KLHL20: variants seen among roughly 807,000 people sequenced by gnomAD.
KLHL20 encodes the protein kelch like family member 20.
Under a neutral mutation model 69.5 loss-of-function variants are expected in KLHL20, and 29 were observed. That is an observed-to-expected ratio of 0.42 (90% CI 0.31 to 0.57). KLHL20 has a LOEUF of 0.57. KLHL20 is among the 20% of genes least tolerant of loss of function. The pLI is 0.18. For missense variants in KLHL20, 419 were observed against 776.0 expected (o/e 0.54, Z 5.47); for synonymous variants, 253 against 265.2 (o/e 0.95, Z 0.45).
chr1:173,730,947 G>A (rs1211618256), intron 2 of KLHL20, among the ~76,000 whole-genome samples: 2 of 152,034 alleles, frequency 1.3e-5, no homozygotes, highest in Non-Finnish European at 2.9e-5. Context: ...TACAGAATGG[G>A]AGAAAATTTT....
intron 11 of KLHL20, among the ~76,000 whole-genome samples, chr1:173,784,660 A>G (rs1332689005): frequency 1.3e-5 from 2 of 152,186 alleles, no homozygotes; most frequent in Non-Finnish European, 2.9e-5. Context: ...TCTTGTCACA[A>G]ACTAGATGCT....
At chr1:173,737,021 T>C (rs1420336597) in intron 3 of KLHL20, among the ~76,000 whole-genome samples, 4 of 152,264 alleles carry the variant, frequency 2.6e-5, no homozygotes, top group Non-Finnish European at 4.4e-5. Flanking sequence ...CATTTGTATA[T>C]CTTCTTTTGA....
At chr1:173,755,059 CTTTT>C (rs372616022) in intron 5 of KLHL20, among the ~76,000 whole-genome samples, 3 of 133,520 alleles carry the variant, frequency 2.2e-5, no homozygotes, top group Non-Finnish European at 3.2e-5. Flanking sequence ...AAGTCTTTGT[CTTTT>C]TTTTTTTTTT....
rs541492809 is a variant in KLHL20 at position 173,716,928 on chromosome 1, C to G, written c.23+862C>G. Among the ~76,000 whole-genome samples, 4 of 152,264 alleles carry G rather than the reference C, an allele frequency of 2.6e-5. 1 individual carries two copies. The highest frequency in any genetic ancestry group is 9.6e-5 in the African/African-American group (4 of 41,556). The stretch of plus-strand genomic sequence containing the variant: ...TATCAATTGACCTTGAGCTGTTCAC[C>G]TTCTCTGTACCCCAGTTTACTTCTT... On this transcript the variant is annotated intron_variant, in intron 2 of 11. Coordinates refer to ENST00000209884, the MANE Select transcript of KLHL20 (RefSeq NM_014458.4).
rs553962694 is a variant in KLHL20 at position 173,717,921 on chromosome 1, A to G, written c.23+1855A>G. Reference sequence around the variant, plus strand: ...CATTTATTTATGTACTATCATTTGCATAGCACAATGCAAAATTTAAAAGAT... The same window carrying G: ...CATTTATTTATGTACTATCATTTGCGTAGCACAATGCAAAATTTAAAAGAT... On this transcript the variant is annotated intron_variant, in intron 2 of 11. Transcript: ENST00000209884. 1.2e-3 allele frequency among the ~76,000 whole-genome samples: 177 copies of G among 152,316 alleles called. 1 individual carries two copies. Among genetic ancestry groups the G allele is most frequent in the Non-Finnish European group, 2.1e-3 (143 of 68,036 alleles).
At chr1:173,753,173 AAATT>A (rs1166974115) in intron 4 of KLHL20, 36 bp from the exon 5 acceptor site, 2 of 1,526,808 alleles carry the variant, frequency 1.3e-6, no homozygotes, top group Non-Finnish European at 1.8e-6. Flanking sequence ...ACCTATCTCA[AAATT>A]AATTAATTAA....
rs1436906799 is a variant in KLHL20 at position 173,755,920 on chromosome 1, C to T, written c.852-3C>T. 1.2e-6 allele frequency: 2 copies of T among 1,602,712 alleles called. No homozygotes were observed. Among genetic ancestry groups the T allele is most frequent in the East Asian group, 2.2e-5 (1 of 44,802 alleles). The stretch of plus-strand genomic sequence containing the variant: ...TGGAATAAAGGCAGAATTTTTTCTA[C>T]AGAGACTTGGTAGATGAGGCTAAAA... On this transcript the variant is annotated splice_region_variant and splice_polypyrimidine_tract_variant and intron_variant, in intron 5 of 11. Coordinates refer to ENST00000209884, the MANE Select transcript of KLHL20 (RefSeq NM_014458.4).
intron 7 of KLHL20, among the ~76,000 whole-genome samples, chr1:173,759,668 A>G (rs755960641): frequency 3.9e-5 from 6 of 152,196 alleles, no homozygotes; most frequent in Non-Finnish European, 8.8e-5. Flanking sequence ...TCCATAGGAA[A>G]AGAGAGAGAA....
At chr1:173,784,137 G>A (rs1031213768) in intron 11 of KLHL20, among the ~76,000 whole-genome samples, 3 of 152,104 alleles carry the variant, frequency 2.0e-5, no homozygotes, top group African/African-American at 7.2e-5. Flanking sequence ...CAATTGTATT[G>A]AGGGAGACAA....
In KLHL20 at chr1:173,785,250, A is replaced by G; in HGVS notation, c.*3A>G. Reference sequence around the variant, plus strand: ...ATTGTGAATCCCATATTTGGTGAACACAGAGAAGACAGTCTTGTATATATT... The same window carrying G: ...ATTGTGAATCCCATATTTGGTGAACGCAGAGAAGACAGTCTTGTATATATT... On this transcript the variant is annotated 3_prime_UTR_variant, in exon 12 of 12. Coordinates refer to ENST00000209884, the MANE Select transcript of KLHL20 (RefSeq NM_014458.4). 1 of 1,603,268 alleles carries G rather than the reference A, an allele frequency of 6.2e-7. No homozygotes were observed. The highest frequency in any genetic ancestry group is 1.7e-4 in the Middle Eastern group (1 of 6,028).
At chr1:173,719,999 A>G (rs528710608) in intron 2 of KLHL20, among the ~76,000 whole-genome samples, 4 of 152,270 alleles carry the variant, frequency 2.6e-5, no homozygotes, top group African/African-American at 9.6e-5. Context: ...CATACCTGTA[A>G]TCCCAGCACT....
intron 3 of KLHL20, among the ~76,000 whole-genome samples, chr1:173,750,014 A>G (rs1389205012): frequency 6.6e-6 from 1 of 152,236 alleles, no homozygotes; most frequent in African/African-American, 2.4e-5. Context: ...CAAGTAATTT[A>G]TAGTATAAGT....
intron 3 of KLHL20, among the ~76,000 whole-genome samples, chr1:173,739,283 G>C (rs997855778): frequency 6.6e-6 from 1 of 152,008 alleles, no homozygotes; most frequent in Non-Finnish European, 1.5e-5. Context: ...GTTTTGCCCA[G>C]ACTGGTCTTG....
At chr1:173,732,318 TA>T (rs1038572307) in intron 2 of KLHL20, among the ~76,000 whole-genome samples, 4 of 151,734 alleles carry the variant, frequency 2.6e-5, no homozygotes, top group Admixed American at 6.6e-5. Flanking sequence ...TCTCAAAAAT[TA>T]AAAAAAATCA....
chr1:173,766,083 A>G (rs1647684840), intron 7 of KLHL20, 63 bp from the exon 8 acceptor site: 2 of 1,322,246 alleles, frequency 1.5e-6, no homozygotes, highest in East Asian at 5.3e-5. Context: ...GATTTAGAAT[A>G]TGTAAACATA....
intron 3 of KLHL20, among the ~76,000 whole-genome samples, chr1:173,737,685 G>A (rs1351213229): frequency 6.6e-6 from 1 of 152,038 alleles, no homozygotes; most frequent in Non-Finnish European, 1.5e-5. Flanking sequence ...GCCTTCCTTT[G>A]GGTATGTGGG....
At chr1:173,741,867 C>A in intron 3 of KLHL20, 1 of 1,580,934 alleles carries the variant, frequency 6.3e-7, no homozygotes, top group Non-Finnish European at 8.6e-7. Flanking sequence ...TGTCCTCTGC[C>A]AGCCTACAGG....
chr1:173,759,785 A>T (rs1673712375), intron 7 of KLHL20, among the ~76,000 whole-genome samples: 1 of 152,110 alleles, frequency 6.6e-6, no homozygotes, highest in African/African-American at 2.4e-5. Flanking sequence ...GAACCAGAAA[A>T]CCAACCCTGG....
chr1:173,781,562 G>A (rs746686526), intron 10 of KLHL20, among the ~76,000 whole-genome samples: 8 of 151,970 alleles, frequency 5.3e-5, no homozygotes, highest in Non-Finnish European at 1.2e-4. Flanking sequence ...GCGATCCACC[G>A]ACCTCAGCCT....
Sources: allele counts gnomAD v4.1 joint callset (sites outside exome capture counted in the v4.1 genomes callset), GRCh38; gene constraint gnomAD v4.1.1; transcripts MANE v1.5; gene names NCBI Gene and HGNC (gene_info 2026-07-23, HGNC 2026-07-21).